DGKB: variants seen among roughly 807,000 people sequenced by gnomAD.
DGKB encodes the protein 90 kDa diacylglycerol kinase.
Under a neutral mutation model 114.3 loss-of-function variants are expected in DGKB, and 67 were observed. The observed-to-expected ratio is 0.59, with a 90% CI of 0.48 to 0.72. The LOEUF (loss-of-function observed/expected upper bound fraction) is 0.72. DGKB is among the 30% of genes least tolerant of loss of function. The pLI, the probability that DGKB is intolerant of heterozygous loss-of-function variation, is 0.00. For missense variants in DGKB, 907 were observed against 975.2 expected (o/e 0.93, Z 0.93); for synonymous variants, 398 against 323.1 (o/e 1.23, Z -2.49).
At chr7:14,342,474 A>T (rs114061157) in intron 22 of DGKB, among the ~76,000 whole-genome samples, 1,798 of 152,036 alleles carry the variant, frequency 0.012, 35 homozygotes, top group African/African-American at 0.042. Flanking sequence ...AATTTTAAAG[A>T]ATTTATTTTT....
At chr7:14,847,836 AC>A (rs1187493295) in intron 1 of DGKB, among the ~76,000 whole-genome samples, 2 of 152,240 alleles carry the variant, frequency 1.3e-5, no homozygotes, top group Non-Finnish European at 2.9e-5. Context: ...AAGATTAAAA[AC>A]ATCCTGAGCA....
chr7:14,877,617 T>C (rs1453119534), intron 1 of DGKB, among the ~76,000 whole-genome samples: 3 of 152,194 alleles, frequency 2.0e-5, no homozygotes, highest in Admixed American at 1.3e-4. Flanking sequence ...CCCTCTGGCA[T>C]TGCATTTCCA....
intron 2 of DGKB, among the ~76,000 whole-genome samples, chr7:14,763,142 T>C (rs1392298112): frequency 6.6e-6 from 1 of 152,116 alleles, no homozygotes; most frequent in Admixed American, 6.6e-5. Context: ...ATTTTAGAGC[T>C]CTTCTTTTGC....
chr7:14,324,532 A>C (rs959122234), intron 23 of DGKB, among the ~76,000 whole-genome samples: 2 of 152,056 alleles, frequency 1.3e-5, no homozygotes, highest in African/African-American at 4.8e-5. Context: ...TCATTCTTTC[A>C]AGGACTTATT....
chr7:14,812,203 T>C (rs1586673052), intron 2 of DGKB, among the ~76,000 whole-genome samples: 1 of 152,194 alleles, frequency 6.6e-6, no homozygotes, highest in East Asian at 1.9e-4. Context: ...GACACGTGGG[T>C]TGCTTTTGGA....
chr7:14,500,188 T>C (rs1198818487), intron 20 of DGKB, among the ~76,000 whole-genome samples: 2 of 151,892 alleles, frequency 1.3e-5, no homozygotes, highest in Non-Finnish European at 2.9e-5. Flanking sequence ...AATAAAACAA[T>C]ATCCTCCTTT....
chr7:14,560,547 T>A (rs1367431875), intron 20 of DGKB, among the ~76,000 whole-genome samples: 1 of 152,206 alleles, frequency 6.6e-6, no homozygotes, highest in Non-Finnish European at 1.5e-5. Flanking sequence ...CTTTCTTTTT[T>A]AAAAAACTGA....
At chr7:14,916,076 T>C (rs150743402) in intron 1 of DGKB, among the ~76,000 whole-genome samples, 13 of 151,576 alleles carry the variant, frequency 8.6e-5, no homozygotes, top group Middle Eastern at 3.4e-3. Flanking sequence ...AGAAGATATA[T>C]GCTGTTATTC....
chr7:14,589,993 C>G (rs1563609024), intron 17 of DGKB, among the ~76,000 whole-genome samples: 1 of 144,556 alleles, frequency 6.9e-6, no homozygotes, highest in Non-Finnish European at 1.5e-5. Context: ...GTAGCACTTG[C>G]ATATAAAACC....
chr7:14,285,178 C>G (rs1800679820), intron 23 of DGKB, among the ~76,000 whole-genome samples: 1 of 152,056 alleles, frequency 6.6e-6, no homozygotes. Context: ...ATATATGCAT[C>G]TCATTGATTT....
chr7:14,959,571 C>G (rs1390396290), intron 1 of DGKB, among the ~76,000 whole-genome samples: 1 of 151,902 alleles, frequency 6.6e-6, no homozygotes, highest in Non-Finnish European at 1.5e-5. Context: ...ATGTTTGTCA[C>G]CAAATTACAT....
chr7:14,308,479 A>G (rs1206519904), intron 23 of DGKB, among the ~76,000 whole-genome samples: 1 of 152,240 alleles, frequency 6.6e-6, no homozygotes, highest in Non-Finnish European at 1.5e-5. Context: ...TCAAATTACA[A>G]ATGAAATTTT....
At chr7:14,780,313 T>C (rs1838873459) in intron 2 of DGKB, among the ~76,000 whole-genome samples, 1 of 152,206 alleles carries the variant, frequency 6.6e-6, no homozygotes, top group Non-Finnish European at 1.5e-5. Context: ...AATCTAGGAA[T>C]TTTTGGTCTC....
At chr7:14,605,328 T>C (rs1371465255) in intron 17 of DGKB, among the ~76,000 whole-genome samples, 1 of 149,564 alleles carries the variant, frequency 6.7e-6, no homozygotes, top group Admixed American at 6.7e-5. Context: ...TAAAAAACTA[T>C]CTACCTATAT....
intron 13 of DGKB, among the ~76,000 whole-genome samples, chr7:14,664,539 C>T (rs1262932575): frequency 6.6e-6 from 1 of 152,026 alleles, no homozygotes; most frequent in Non-Finnish European, 1.5e-5. Flanking sequence ...CCTCTCCAGC[C>T]TCACCCTTAC....
intron 23 of DGKB, among the ~76,000 whole-genome samples, chr7:14,185,843 C>A (rs374548456): frequency 1.3e-5 from 2 of 152,274 alleles, no homozygotes; most frequent in African/African-American, 4.8e-5. Context: ...GGATCCTTAT[C>A]TCTCACCTTA....
At chr7:14,634,481 TACACACACACACACAC>T (rs34758174) in intron 13 of DGKB, among the ~76,000 whole-genome samples, 3 of 145,152 alleles carry the variant, frequency 2.1e-5, no homozygotes, top group South Asian at 2.2e-4. Flanking sequence ...TACAAAGTGA[TACACACACACACACAC>T]ACACACACAC....
At chr7:14,581,029 G>T in intron 18 of DGKB, 78 bp from the exon 19 acceptor site, 1 of 935,382 alleles carries the variant, frequency 1.1e-6, no homozygotes, top group Non-Finnish European at 1.6e-6. Context: ...ATAGCCTGAT[G>T]ACATTAAATG....
Position 14,561,292 on chromosome 7 carries a change from G to C in DGKB, c.1770+12920C>G, listed in dbSNP as rs146245978. Reference sequence around the variant, plus strand: ...CCTTTTCTTTCTGCCATGATAGTGAGGCCTCTCCAGCCATGTGAATCTGTG... The same window carrying C: ...CCTTTTCTTTCTGCCATGATAGTGACGCCTCTCCAGCCATGTGAATCTGTG... On this transcript the variant is annotated intron_variant, in intron 20 of 25. Coordinates refer to ENST00000402815, the MANE Select transcript of DGKB (RefSeq NM_001350709.2). 4.0e-3 allele frequency among the ~76,000 whole-genome samples: 603 copies of C among 152,206 alleles called. 7 individuals are homozygous for C. Among genetic ancestry groups the C allele is most frequent in the African/African-American group, 0.014 (582 of 41,518 alleles).
Sources: gnomAD v4.1 joint callset for allele counts (sites outside exome capture counted in the v4.1 genomes callset) on GRCh38, gnomAD v4.1.1 for gene constraint, MANE v1.5 for transcripts, NCBI Gene and HGNC (gene_info 2026-07-23, HGNC 2026-07-21) for gene names.